The following DACH1 variants were observed in gnomAD, a reference collection of about 807,000 sequenced individuals.
DACH1 encodes the protein dachshund family transcription factor 1.
Under a neutral mutation model 54.2 loss-of-function variants are expected in DACH1, and 12 were observed. The ratio of observed to expected loss-of-function variants is 0.22; its 90% confidence interval spans 0.14 to 0.36. The LOEUF is 0.36. Ranked by LOEUF, DACH1 falls within the 10% of genes least tolerant of loss-of-function variation. The pLI, the probability that DACH1 is intolerant of heterozygous loss-of-function variation, is 1.00. For synonymous variants in DACH1, 386 were observed against 366.2 expected (o/e 1.05, Z -0.62); for missense variants, 805 against 929.8 (o/e 0.87, Z 1.75).
chr13:71,685,711 T>G (rs1489722813), intron 1 of DACH1, among the ~76,000 whole-genome samples: 1 of 152,186 alleles, frequency 6.6e-6, no homozygotes, highest in Non-Finnish European at 1.5e-5. Flanking sequence ...TATTTAAATT[T>G]CTTTCAAAGG....
At position 71,475,172 on chromosome 13, in the gene DACH1, GC is replaced by G. The variant is rs1362317118; in HGVS notation, c.2051del (p.Gly684AlafsTer17). On this transcript the variant is annotated frameshift_variant, in exon 10 of 11. Transcript: ENST00000613252. LOFTEE classifies it high-confidence loss of function. ...TTGTCCTTTCAGCATCTGTTCTGCC[GC>G]CACTGCGGTCAGCCTCTATCTCTGG... ...LTPEIEADRS[G>X]GRTDAERTIQ... The G allele has an allele frequency of 1.2e-6, 2 of 1,613,668 alleles. No homozygotes were observed. Among genetic ancestry groups the G allele is most frequent in the African/African-American group, 1.3e-5 (1 of 74,876 alleles).
At chr13:71,819,013 T>A (rs2138176502) in intron 1 of DACH1, among the ~76,000 whole-genome samples, 1 of 152,288 alleles carries the variant, frequency 6.6e-6, no homozygotes, top group South Asian at 2.1e-4. Context: ...TAGGGAGTAT[T>A]CGCTAAAGTA....
intron 1 of DACH1, among the ~76,000 whole-genome samples, chr13:71,820,099 T>G (rs1307077935): frequency 1.1e-5 from 1 of 90,404 alleles, no homozygotes; most frequent in Admixed American, 1.7e-4. Flanking sequence ...AGATCCTGCC[T>G]CTACCGAAAA....
At chr13:71,481,696 T>A (rs565077731) in intron 7 of DACH1, among the ~76,000 whole-genome samples, 2 of 152,196 alleles carry the variant, frequency 1.3e-5, no homozygotes, top group African/African-American at 2.4e-5. Context: ...CTGATGCATA[T>A]GCAAAAGTAT....
chr13:71,800,532 C>A (rs903867965), intron 1 of DACH1, among the ~76,000 whole-genome samples: 2 of 152,210 alleles, frequency 1.3e-5, no homozygotes, highest in Middle Eastern at 6.8e-3. Flanking sequence ...CAGACACTTT[C>A]TCTCCCGACT....
intron 1 of DACH1, among the ~76,000 whole-genome samples, chr13:71,778,493 T>C (rs777456970): frequency 3.3e-5 from 5 of 152,238 alleles, no homozygotes; most frequent in Non-Finnish European, 5.9e-5. Context: ...GGATTATAGC[T>C]TTATAATGTT....
At chr13:71,583,724 C>G (rs1370395037) in intron 3 of DACH1, among the ~76,000 whole-genome samples, 1 of 151,928 alleles carries the variant, frequency 6.6e-6, no homozygotes, top group Non-Finnish European at 1.5e-5. Flanking sequence ...ATCTGTAGTC[C>G]CAGCTACTTG....
At chr13:71,580,229 AT>A (rs1885774189) in intron 3 of DACH1, among the ~76,000 whole-genome samples, 1 of 152,200 alleles carries the variant, frequency 6.6e-6, no homozygotes, top group Admixed American at 6.5e-5. Context: ...TAAAGTATCT[AT>A]GCTAATTTTG....
intron 1 of DACH1, among the ~76,000 whole-genome samples, chr13:71,794,906 C>A (rs867085520): frequency 2.6e-5 from 4 of 152,110 alleles, no homozygotes; most frequent in African/African-American, 4.8e-5. Context: ...AGTACAAGAT[C>A]TTATTTTCCA....
chr13:71,863,391 A>G (rs1019946322), intron 1 of DACH1, among the ~76,000 whole-genome samples: 1 of 152,186 alleles, frequency 6.6e-6, no homozygotes, highest in Admixed American at 6.5e-5. Flanking sequence ...TAGTTGATAT[A>G]TGATCAAATA....
intron 1 of DACH1, among the ~76,000 whole-genome samples, chr13:71,792,704 A>G (rs1188014509): frequency 6.6e-6 from 1 of 152,184 alleles, no homozygotes; most frequent in East Asian, 1.9e-4. Flanking sequence ...AGAAGGAGGC[A>G]TATACTCTTA....
intron 2 of DACH1, among the ~76,000 whole-genome samples, chr13:71,664,027 G>A (rs1038115796): frequency 1.3e-5 from 2 of 151,910 alleles, no homozygotes; most frequent in South Asian, 2.1e-4. Flanking sequence ...AATCTCCAGT[G>A]TGAAGTAGAT....
intron 3 of DACH1, among the ~76,000 whole-genome samples, chr13:71,620,165 C>CA: frequency 6.6e-6 from 1 of 151,796 alleles, no homozygotes. Flanking sequence ...AGGCCATTTC[C>CA]AAAAATATAG....
intron 1 of DACH1, among the ~76,000 whole-genome samples, chr13:71,816,289 A>T (rs945138942): frequency 7.9e-5 from 12 of 152,090 alleles, no homozygotes; most frequent in Non-Finnish European, 1.5e-4. Flanking sequence ...CTGTTAGATC[A>T]GGGGCATGTG....
intron 4 of DACH1, among the ~76,000 whole-genome samples, chr13:71,570,913 C>T (rs1885154103): frequency 6.6e-6 from 1 of 152,078 alleles, no homozygotes; most frequent in Non-Finnish European, 1.5e-5. Context: ...TAACAAGTAG[C>T]ACAACTATTT....
At chr13:71,848,659 C>G (rs1201477736) in intron 1 of DACH1, among the ~76,000 whole-genome samples, 1 of 151,962 alleles carries the variant, frequency 6.6e-6, no homozygotes, top group East Asian at 1.9e-4. Flanking sequence ...ATCCTCCTGT[C>G]TCAGCCTCCC....
intron 1 of DACH1, among the ~76,000 whole-genome samples, chr13:71,853,286 T>C (rs1873789039): frequency 6.6e-6 from 1 of 152,168 alleles, no homozygotes; most frequent in South Asian, 2.1e-4. Flanking sequence ...AAGAGCATCT[T>C]AAATTTTGAA....
intron 1 of DACH1, among the ~76,000 whole-genome samples, chr13:71,710,960 G>A (rs1403571154): frequency 6.6e-6 from 1 of 152,004 alleles, no homozygotes; most frequent in Non-Finnish European, 1.5e-5. Context: ...GTTCACTGGG[G>A]CATGAATGGA....
At chr13:71,780,041 G>A (rs1886306325) in intron 1 of DACH1, among the ~76,000 whole-genome samples, 1 of 151,886 alleles carries the variant, frequency 6.6e-6, no homozygotes, top group Non-Finnish European at 1.5e-5. Flanking sequence ...AAAATAATAA[G>A]GATCAAATGG....
Sources: gnomAD v4.1 joint callset for allele counts (sites outside exome capture counted in the v4.1 genomes callset) on GRCh38, gnomAD v4.1.1 for gene constraint, MANE v1.5 for transcripts, NCBI Gene and HGNC (gene_info 2026-07-23, HGNC 2026-07-21) for gene names.